DCDC1: variants seen among roughly 807,000 people sequenced by gnomAD.
DCDC1 encodes the protein doublecortin domain containing 1, also known as doublecortin domain-containing protein 1.
Under a neutral mutation model 178.3 loss-of-function variants are expected in DCDC1, and 200 were observed. The ratio of observed to expected loss-of-function variants is 1.12; its 90% CI spans 1.00 to 1.26. The LOEUF (loss-of-function observed/expected upper bound fraction) is 1.26. DCDC1 is among the 50% of genes most tolerant of loss of function. DCDC1 has a pLI of 0.00. For synonymous variants in DCDC1, 690 were observed against 604.8 expected (o/e 1.14, Z -2.07); for missense variants, 1,983 against 1,749.2 (o/e 1.13, Z -2.38).
intron 20 of DCDC1, among the ~76,000 whole-genome samples, chr11:31,021,850 T>A (rs995911208): frequency 6.6e-6 from 1 of 152,124 alleles, no homozygotes; most frequent in Admixed American, 6.5e-5. Flanking sequence ...AGGTGTACAA[T>A]AAGTAATAGG....
intron 38 of DCDC1, among the ~76,000 whole-genome samples, chr11:30,872,568 G>A (rs148875666): frequency 7.8e-4 from 119 of 152,166 alleles, no homozygotes; most frequent in Non-Finnish European, 1.2e-3. Context: ...GTTGGACAGT[G>A]GCTACTTTGG....
Position 30,960,274 on chromosome 11 carries a change from T to C in DCDC1, c.2592-7706A>G, listed in dbSNP as rs148769310. Reference sequence around the variant, plus strand: ...ACTTCTACAGTTTTTCATTATCTGGTTGCAGTGCCTATATAACTTCAGCCC... The same window carrying C: ...ACTTCTACAGTTTTTCATTATCTGGCTGCAGTGCCTATATAACTTCAGCCC... On this transcript the variant is annotated intron_variant, in intron 20 of 38. Coordinates refer to ENST00000684477, the MANE Select transcript of DCDC1 (RefSeq NM_001387274.1). 2.7e-3 allele frequency among the ~76,000 whole-genome samples: 417 copies of C among 152,292 alleles called. 1 individual carries two copies. The highest frequency in any genetic ancestry group is 9.5e-3 in the African/African-American group (394 of 41,568).
chr11:30,944,422 A>G, intron 21 of DCDC1: 1 of 440,996 alleles, frequency 2.3e-6, no homozygotes, highest in Non-Finnish European at 4.6e-6. Flanking sequence ...TTATGCTTAT[A>G]GTACCCAAAG....
At chr11:31,055,564 C>T (rs1955532239) in intron 20 of DCDC1, among the ~76,000 whole-genome samples, 1 of 152,164 alleles carries the variant, frequency 6.6e-6, no homozygotes. Flanking sequence ...GTGTTTATAG[C>T]AGCACAATTT....
rs149919485 is a variant in DCDC1, at chr11:31,169,394, G to T, written c.1222-31610C>A. ...TAAGAATAAAATAAGTTTTATGACT[G>T]TGGGGAAACTGGGGATATAGATTCA... On this transcript the variant is annotated intron_variant, in intron 9 of 38. Transcript: ENST00000684477. Among the ~76,000 whole-genome samples the T allele has an allele frequency of 2.8e-3, 433 of 152,274 alleles. 2 individuals are homozygous for T. Among genetic ancestry groups the T allele is most frequent in the African/African-American group, 9.4e-3 (391 of 41,542 alleles).
intron 9 of DCDC1, among the ~76,000 whole-genome samples, chr11:31,199,382 C>T (rs1231295103): frequency 1.3e-5 from 2 of 152,014 alleles, no homozygotes; most frequent in Non-Finnish European, 2.9e-5. Flanking sequence ...AGAGGATCAA[C>T]AAAACTTAAG....
chr11:30,933,920 T>C (rs1265744990), intron 21 of DCDC1, among the ~76,000 whole-genome samples: 5 of 152,210 alleles, frequency 3.3e-5, no homozygotes, highest in African/African-American at 4.8e-5. Flanking sequence ...GTTTTTGTGA[T>C]GGTGCCATCT....
intron 20 of DCDC1, among the ~76,000 whole-genome samples, chr11:30,978,258 C>T (rs932275915): frequency 6.6e-6 from 1 of 152,182 alleles, no homozygotes; most frequent in African/African-American, 2.4e-5. Flanking sequence ...TGCTTCTGTA[C>T]ATTGGATGGT....
intron 17 of DCDC1, among the ~76,000 whole-genome samples, chr11:31,078,994 T>C (rs1957022807): frequency 6.6e-6 from 1 of 152,156 alleles, no homozygotes; most frequent in Non-Finnish European, 1.5e-5. Context: ...AAGAAACATG[T>C]TGTCTCTGTG....
chr11:30,883,335 C>T (rs1363617321), intron 36 of DCDC1: 7 of 214,120 alleles, frequency 3.3e-5, no homozygotes, highest in Middle Eastern at 1.6e-3. Flanking sequence ...GGAAAAGAGA[C>T]AAAGTGTATG....
intron 9 of DCDC1, among the ~76,000 whole-genome samples, chr11:31,174,559 C>T (rs1340104470): frequency 2.0e-5 from 3 of 152,186 alleles, no homozygotes. Flanking sequence ...TGAAGCCCCA[C>T]CTTCAGACTC....
chr11:31,314,251 G>A (rs1237603705), intron 3 of DCDC1, among the ~76,000 whole-genome samples: 1 of 152,076 alleles, frequency 6.6e-6, no homozygotes, highest in Non-Finnish European at 1.5e-5. Context: ...TAAGCCTGAA[G>A]TTTAAATTCC....
intron 20 of DCDC1, among the ~76,000 whole-genome samples, chr11:30,978,957 TG>T (rs1391223708): frequency 1.3e-5 from 2 of 152,316 alleles, no homozygotes; most frequent in Admixed American, 1.3e-4. Flanking sequence ...TACATGTACA[TG>T]TAGGGACTTG....
chr11:31,030,350 T>C (rs549353807), intron 20 of DCDC1, among the ~76,000 whole-genome samples: 152 of 152,064 alleles, frequency 1.0e-3, no homozygotes, highest in Admixed American at 2.8e-3. Context: ...CTTTCACATA[T>C]GCATTAGAAA....
chr11:31,004,673 C>T (rs1010180856), intron 20 of DCDC1, among the ~76,000 whole-genome samples: 1 of 130,990 alleles, frequency 7.6e-6, no homozygotes, highest in Non-Finnish European at 1.6e-5. Flanking sequence ...CAGAGTGACA[C>T]TCTGTCTCAA....
At chr11:31,123,905 A>G (rs1445570074) in intron 11 of DCDC1, among the ~76,000 whole-genome samples, 1 of 152,126 alleles carries the variant, frequency 6.6e-6, no homozygotes. Flanking sequence ...ATTAATTAAA[A>G]TTAAAATTTA....
In DCDC1 at chr11:31,038,771, A is replaced by G. The variant is rs1311422347; in HGVS notation, c.2591+25698T>C. 3.9e-5 allele frequency among the ~76,000 whole-genome samples: 6 copies of G among 152,176 alleles called. 1 individual carries two copies. The highest frequency in any genetic ancestry group is 8.8e-5 in the Non-Finnish European group (6 of 68,026). On this transcript the variant is annotated intron_variant, in intron 20 of 38. Transcript: ENST00000684477. ...AAATAGTGAATTTAACTCAAATTCT[A>G]TCCTCTAACAACAGGACAGTTCTCC...
chr11:30,898,617 T>C (rs1944415804), intron 34 of DCDC1, among the ~76,000 whole-genome samples: 1 of 152,166 alleles, frequency 6.6e-6, no homozygotes, highest in South Asian at 2.1e-4. Context: ...GTTGTAGTTT[T>C]GGAAATGTCC....
At chr11:30,921,701 A>G (rs1287052878) in intron 24 of DCDC1, among the ~76,000 whole-genome samples, 1 of 152,180 alleles carries the variant, frequency 6.6e-6, no homozygotes, top group Non-Finnish European at 1.5e-5. Context: ...GATTCTCTCT[A>G]CAGGCTTCAC....
Sources: allele counts gnomAD v4.1 joint callset (sites outside exome capture counted in the v4.1 genomes callset), GRCh38; gene constraint gnomAD v4.1.1; transcripts MANE v1.5; gene names NCBI Gene and HGNC (gene_info 2026-07-23, HGNC 2026-07-21).